Variants in RABGEF1 observed in about 807,000 individuals in gnomAD.
RABGEF1 encodes the protein rab5 GDP/GTP exchange factor.
In RABGEF1, 26 loss-of-function variants were observed where a neutral mutation model predicts 57.3. The observed-to-expected ratio is 0.45, with a 90% CI of 0.33 to 0.63. The LOEUF is 0.63. Ranked by LOEUF, RABGEF1 falls within the 20% of genes least tolerant of loss-of-function variation. RABGEF1 has a pLI of 0.02. For missense variants in RABGEF1, 464 were observed against 607.6 expected, an observed-to-expected ratio of 0.76 and a Z score of 2.48; for synonymous variants, 185 against 210.7, an observed-to-expected ratio of 0.88 and a Z score of 1.06.
At chr7:66,772,358 A>T (rs565537912) in intron 2 of RABGEF1, among the ~76,000 whole-genome samples, 1 of 152,266 alleles carries the variant, frequency 6.6e-6, no homozygotes, top group African/African-American at 2.4e-5. Flanking sequence ...AAGAATGGAG[A>T]TAGGCATATT....
upstream of RABGEF1, among the ~76,000 whole-genome samples, chr7:66,680,434 G>A (rs560422023): frequency 8.4e-4 from 127 of 152,078 alleles, no homozygotes; most frequent in Middle Eastern, 0.01. Flanking sequence ...AGTAGAGACA[G>A]GGTTTCTCTC....
chr7:66,682,596 C>G lies in RABGEF1; in HGVS notation c.-873+338C>G, dbSNP rs113391073. On this transcript the variant is annotated intron_variant and NMD_transcript_variant, in intron 1 of 9. Transcript: ENST00000607882. ...CTCGGTCCGGCTCCCACTTCCCCGT[C>G]CAGGATGCTGGCTCCGAAGCAACAT... Among the ~76,000 whole-genome samples, 429 of 152,302 alleles carry G rather than the reference C, an allele frequency of 2.8e-3. 1 individual carries two copies. Among genetic ancestry groups the G allele is most frequent in the African/African-American group, 9.9e-3 (413 of 41,578 alleles).
intron 1 of RABGEF1, among the ~76,000 whole-genome samples, chr7:66,695,341 G>T (rs1435033589): frequency 6.6e-6 from 1 of 152,102 alleles, no homozygotes; most frequent in Non-Finnish European, 1.5e-5. Flanking sequence ...GAAAGGGTCT[G>T]AGATGAGATC....
At chr7:66,779,017 A>G (rs1196905165) in intron 3 of RABGEF1, among the ~76,000 whole-genome samples, 2 of 152,280 alleles carry the variant, frequency 1.3e-5, no homozygotes, top group East Asian at 3.9e-4. Flanking sequence ...TGGGAGTCAG[A>G]GTCAGGAGAA....
In RABGEF1 at chr7:66,707,500, C is replaced by T. The variant is rs1794268445; in HGVS notation, c.-872-4667C>T. ...CTCAGGAGTTCGAGACCAGCCTGGC[C>T]AATATGGGGAAACCCTGTCTCTACT... On this transcript the variant is annotated intron_variant and NMD_transcript_variant, in intron 1 of 9. Coordinates refer to the RABGEF1 transcript ENST00000607882. 5.3e-5 allele frequency among the ~76,000 whole-genome samples: 8 copies of T among 152,142 alleles called. No individual in the cohort carries two copies. In the South Asian group the frequency reaches 1.7e-3, roughly 32 times the overall value.
chr7:66,730,905 A>G (rs62466799), intron 2 of RABGEF1, among the ~76,000 whole-genome samples: 5,998 of 152,224 alleles, frequency 0.039, 165 homozygotes, highest in East Asian at 0.085. Context: ...CAGGGGTGGT[A>G]TAGCCCCACT....
At chr7:66,731,443 A>G (rs948251457) in intron 2 of RABGEF1, among the ~76,000 whole-genome samples, 1 of 152,158 alleles carries the variant, frequency 6.6e-6, no homozygotes, top group Non-Finnish European at 1.5e-5. Context: ...GAGGCTGTGC[A>G]TGATGGCTCA....
intron 8 of RABGEF1, 126 bp from the exon 9 acceptor site, chr7:66,808,760 T>C: frequency 4.8e-6 from 5 of 1,039,290 alleles, no homozygotes; most frequent in Non-Finnish European, 6.8e-6. Context: ...TACACAGAAG[T>C]TCATGAGTTT....
At chr7:66,758,423 T>C (rs1334508855) in intron 1 of RABGEF1, among the ~76,000 whole-genome samples, 1 of 152,196 alleles carries the variant, frequency 6.6e-6, no homozygotes, top group Non-Finnish European at 1.5e-5. Flanking sequence ...CTGACATAAG[T>C]GGGACCAATT....
the RABGEF1 span, chr7:66,654,641 G>T: frequency 6.5e-6 from 1 of 152,702 alleles, no homozygotes; most frequent in South Asian, 2.0e-4. Context: ...GGAACGGACG[G>T]ACTGGTGTAA....
intron 1 of RABGEF1, among the ~76,000 whole-genome samples, chr7:66,702,535 G>A (rs1487685897): frequency 6.6e-6 from 1 of 152,090 alleles, no homozygotes; most frequent in Non-Finnish European, 1.5e-5. Flanking sequence ...GCAATTCTAT[G>A]CTTTTTGAGG....
intron 1 of RABGEF1, among the ~76,000 whole-genome samples, chr7:66,740,996 T>G (rs138052792): frequency 1.3e-5 from 2 of 152,184 alleles, no homozygotes; most frequent in Non-Finnish European, 2.9e-5. Context: ...CAGGCCGCCC[T>G]CGGCTCCCTT....
At chr7:66,693,858 A>G (rs1283705981) in intron 1 of RABGEF1, among the ~76,000 whole-genome samples, 1 of 147,060 alleles carries the variant, frequency 6.8e-6, no homozygotes, top group Non-Finnish European at 1.5e-5. Context: ...CCCAGGCTGG[A>G]GTGCAGTGGC....
At chr7:66,734,126 A>G (rs1459821640) in intron 2 of RABGEF1, among the ~76,000 whole-genome samples, 1 of 152,056 alleles carries the variant, frequency 6.6e-6, no homozygotes, top group East Asian at 1.9e-4. Flanking sequence ...TCATTTCTCC[A>G]CTCCATACTT....
chr7:66,682,505 G>T (rs1414536728), intron 1 of RABGEF1, among the ~76,000 whole-genome samples: 7 of 152,196 alleles, frequency 4.6e-5, no homozygotes, highest in South Asian at 2.1e-4. Context: ...CATCTCCAGC[G>T]CCCGGCCGTG....
At chr7:66,795,485 G>A (rs773769828) in intron 4 of RABGEF1, 26 bp from the exon 5 acceptor site, 2 of 1,562,896 alleles carry the variant, frequency 1.3e-6, no homozygotes, top group African/African-American at 1.4e-5. Context: ...TCAGCTACAA[G>A]CAGCCTCTTT....
At chr7:66,778,368 A>G (rs1809034488) in intron 3 of RABGEF1, among the ~76,000 whole-genome samples, 3 of 152,260 alleles carry the variant, frequency 2.0e-5, no homozygotes, top group African/African-American at 7.2e-5. Context: ...CAGAGAAAGT[A>G]AATGGAATGT....
At chr7:66,712,560 TCCCGG>T in intron 2 of RABGEF1, among the ~76,000 whole-genome samples, 1 of 152,132 alleles carries the variant, frequency 6.6e-6, no homozygotes, top group Non-Finnish European at 1.5e-5. Flanking sequence ...AGCCTCGACC[TCCCGG>T]GCTGAAGGGA....
intron 4 of RABGEF1, among the ~76,000 whole-genome samples, chr7:66,785,998 C>A (rs1410452225): frequency 6.6e-6 from 1 of 152,162 alleles, no homozygotes; most frequent in East Asian, 1.9e-4. Flanking sequence ...ATATGAAAAT[C>A]CATTCTTACC....
Sources: allele counts gnomAD v4.1 joint callset (sites outside exome capture counted in the v4.1 genomes callset), GRCh38; gene constraint gnomAD v4.1.1; transcripts MANE v1.5; gene names NCBI Gene and HGNC (gene_info 2026-07-23, HGNC 2026-07-21).